EFR3B: variants seen among roughly 807,000 people sequenced by gnomAD.
The protein encoded by EFR3B is protein EFR3 homolog B.
EFR3B carries 64 observed loss-of-function variants against 104.7 expected under a neutral mutation model. That is an observed-to-expected ratio of 0.61 (90% CI 0.50 to 0.75). The LOEUF (loss-of-function observed/expected upper bound fraction) is 0.75, where lower values mean the gene tolerates loss of function less well. Among genes scored for constraint, EFR3B ranks in the 30% least tolerant of loss-of-function variants. The pLI is 0.00. For missense variants in EFR3B, 750 were observed against 1,078.5 expected, an observed-to-expected ratio of 0.70 and a Z score of 4.27; for synonymous variants, 385 against 417.9, an observed-to-expected ratio of 0.92 and a Z score of 0.96.
chr2:25,081,843 G>A (rs1289116408), intron 1 of EFR3B, among the ~76,000 whole-genome samples: 1 of 152,216 alleles, frequency 6.6e-6, no homozygotes, highest in Admixed American at 6.5e-5. Flanking sequence ...GGCCTGGCAG[G>A]TGATGCTGGG....
chr2:25,151,909 C>T lies in EFR3B; in HGVS notation c.2192-5C>T, dbSNP rs1217433647. On this transcript the variant is annotated splice_region_variant and splice_polypyrimidine_tract_variant and intron_variant, in intron 20 of 22. Coordinates refer to ENST00000403714, the MANE Select transcript of EFR3B (RefSeq NM_014971.2). ...CTGGCACTAACCCAGCTCTCTGTGTCGAAGTGGACAGCGTAGCAGTGGAGG... is the reference window on the plus strand; with the variant it reads ...CTGGCACTAACCCAGCTCTCTGTGTTGAAGTGGACAGCGTAGCAGTGGAGG... 9 of 1,551,518 alleles carry T rather than the reference C, an allele frequency of 5.8e-6. No individual in the cohort carries two copies. The African/African-American group carries it at 6.8e-5, about 12-fold the overall frequency.
intron 1 of EFR3B, among the ~76,000 whole-genome samples, chr2:25,066,001 G>A (rs931785082): frequency 5.3e-5 from 8 of 152,172 alleles, no homozygotes; most frequent in Non-Finnish European, 8.8e-5. Context: ...GATCACACAT[G>A]TCACCACTTG....
intron 1 of EFR3B, among the ~76,000 whole-genome samples, chr2:25,087,358 T>C (rs1211255550): frequency 1.0e-5 from 1 of 100,466 alleles, no homozygotes; most frequent in East Asian, 4.7e-4. Flanking sequence ...AATCTTCATA[T>C]ATGTATATAT....
At chr2:25,091,492 T>C in intron 2 of EFR3B, 91 bp downstream of exon 2, 3 of 1,227,226 alleles carry the variant, frequency 2.4e-6, no homozygotes, top group Non-Finnish European at 3.3e-6. Flanking sequence ...TCCTGCCGGG[T>C]GGGGAAGGCA....
At position 25,045,473 on chromosome 2, in the gene EFR3B, T is replaced by G. The variant is rs575750057; in HGVS notation, c.7+3154T>G. Among the ~76,000 whole-genome samples, 7 of 152,348 alleles carry G rather than the reference T, an allele frequency of 4.6e-5. No homozygotes were observed. In the South Asian group the frequency reaches 1.0e-3, roughly 23 times the overall value. On this transcript the variant is annotated intron_variant, in intron 1 of 22. Transcript: ENST00000403714. ...TGCAAAAATGGATTCCCATGAGCTT[T>G]TCTTTTTGTTAGCATTATACAGCTA...
At position 25,131,694 on chromosome 2, in the gene EFR3B, A is replaced by G; in HGVS notation, c.986-56A>G. On this transcript the variant is annotated intron_variant, in intron 9 of 22. Coordinates refer to ENST00000403714, the MANE Select transcript of EFR3B (RefSeq NM_014971.2). The surrounding 1 kb of genome is among the most constrained non-coding windows in gnomAD (Gnocchi z 7.6). ...ACCCTGCCCTGCCTGCGCGCGGTGC[A>G]CAGAGGAGGAGGGTGCCAGCCTTGG... 6.7e-7 allele frequency: 1 copy of G among 1,483,856 alleles called. No homozygotes were observed. Among genetic ancestry groups the G allele is most frequent in the Non-Finnish European group, 9.0e-7 (1 of 1,111,482 alleles). The allele number at this position is 1,483,856 out of a possible 1,614,324, so 91.9% of individuals were successfully genotyped here. A position where few individuals can be genotyped will look rare whatever the true frequency, so the allele number is the denominator to read the frequency against.
intron 1 of EFR3B, among the ~76,000 whole-genome samples, chr2:25,047,049 C>T (rs1667742521): frequency 6.6e-6 from 1 of 152,214 alleles, no homozygotes; most frequent in Admixed American, 6.5e-5. Context: ...CCTGTTTTCT[C>T]TCTTGCTGCT....
At chr2:25,054,753 T>C (rs1667973434) in intron 1 of EFR3B, among the ~76,000 whole-genome samples, 1 of 152,186 alleles carries the variant, frequency 6.6e-6, no homozygotes, top group African/African-American at 2.4e-5. Context: ...AGTAAGAACG[T>C]AGAAACAGGG....
intron 1 of EFR3B, among the ~76,000 whole-genome samples, chr2:25,069,676 C>T (rs372049186): frequency 1.4e-4 from 22 of 152,292 alleles, no homozygotes; most frequent in African/African-American, 5.1e-4. Flanking sequence ...GCAGTATGTG[C>T]AGAAATCTCT....
At chr2:25,054,584 A>T (rs1667969261) in intron 1 of EFR3B, among the ~76,000 whole-genome samples, 1 of 152,188 alleles carries the variant, frequency 6.6e-6, no homozygotes, top group Non-Finnish European at 1.5e-5. Context: ...TTGGGATTAC[A>T]GGCATGAGCT....
intron 5 of EFR3B, among the ~76,000 whole-genome samples, chr2:25,123,894 T>C (rs556660460): frequency 1.3e-5 from 2 of 152,336 alleles, no homozygotes; most frequent in Non-Finnish European, 2.9e-5. Flanking sequence ...ATCAGGAGTT[T>C]CCTGAACATC....
At chr2:25,143,673 T>C in intron 17 of EFR3B, 62 bp from the exon 18 acceptor site, 1 of 1,533,246 alleles carries the variant, frequency 6.5e-7, no homozygotes, top group Non-Finnish European at 8.8e-7. Context: ...AAAAAAAAAT[T>C]GTTCAGAAGT....
intron 20 of EFR3B, 66 bp downstream of exon 20, chr2:25,149,808 G>C (rs2149214066): frequency 7.2e-7 from 1 of 1,395,528 alleles, no homozygotes. Flanking sequence ...GCCTGTTCCT[G>C]CAGATGCAGC....
At chr2:25,049,006 G>A (rs1254717369) in intron 1 of EFR3B, among the ~76,000 whole-genome samples, 1 of 151,406 alleles carries the variant, frequency 6.6e-6, no homozygotes, top group Non-Finnish European at 1.5e-5. Context: ...ACTCCTACTA[G>A]CGGAATTTTT....
intron 1 of EFR3B, among the ~76,000 whole-genome samples, chr2:25,069,568 G>A (rs1668434596): frequency 6.6e-6 from 1 of 152,226 alleles, no homozygotes; most frequent in Admixed American, 6.5e-5. Flanking sequence ...TGCTCCTGCA[G>A]GGCAGGGCTA....
intron 4 of EFR3B, among the ~76,000 whole-genome samples, chr2:25,120,621 C>A (rs182107198): frequency 6.6e-6 from 1 of 150,890 alleles, no homozygotes; most frequent in African/African-American, 2.5e-5. Flanking sequence ...TCCAGCCTGG[C>A]GACAGAGCAA....
intron 3 of EFR3B, 90 bp from the exon 4 acceptor site, chr2:25,103,547 C>T (rs560491458): frequency 1.4e-6 from 2 of 1,477,402 alleles, no homozygotes; most frequent in Admixed American, 2.2e-5. Flanking sequence ...GCTGCATTGC[C>T]CAGGTCACCA....
rs963428968 is a variant in EFR3B at position 25,042,094 on chromosome 2, G to C, written c.-219G>C. ...TGCGCGCAGCAGTGCCCAGCAACCCGAGCGGAGGCGGCCGCTGCAGCCCGG... is the reference window on the plus strand; with the variant it reads ...TGCGCGCAGCAGTGCCCAGCAACCCCAGCGGAGGCGGCCGCTGCAGCCCGG... On this transcript the variant is annotated 5_prime_UTR_variant, in exon 1 of 23. Transcript: ENST00000403714. The surrounding 1 kb of genome is among the most constrained non-coding windows in gnomAD (Gnocchi z 5.4). 2 of 313,452 alleles carry C rather than the reference G, an allele frequency of 6.4e-6. No homozygotes were observed. Among genetic ancestry groups the C allele is most frequent in the Admixed American group, 5.1e-5 (1 of 19,584 alleles). 19.4% of individuals were successfully genotyped at this position (313,452 alleles called of 1,614,324 possible). A position where few individuals can be genotyped will look rare whatever the true frequency, so the allele number is the denominator to read the frequency against.
chr2:25,129,843 C>T, intron 6 of EFR3B, 132 bp from the exon 7 acceptor site: 1 of 1,209,366 alleles, frequency 8.3e-7, no homozygotes, highest in Non-Finnish European at 1.1e-6. Flanking sequence ...GTGACGCCTC[C>T]CCTATTGCCT....
Sources: gnomAD v4.1 joint callset for allele counts (sites outside exome capture counted in the v4.1 genomes callset) on GRCh38, gnomAD v4.1.1 for gene constraint, Gnocchi (gnomAD v3.1) non-coding constraint, MANE v1.5 for transcripts, NCBI Gene and HGNC (gene_info 2026-07-23, HGNC 2026-07-21) for gene names.